SHOX: variants seen among roughly 807,000 people sequenced by gnomAD.
The protein encoded by SHOX is SHOX homeobox.
In SHOX, 12 loss-of-function variants were observed where a neutral mutation model predicts 29.6. That is an observed-to-expected ratio of 0.41 (90% CI 0.26 to 0.66). SHOX has a LOEUF of 0.66. Among genes scored for constraint, SHOX ranks in the 30% least tolerant of loss-of-function variants. The pLI is 0.35. For synonymous variants in SHOX, 214 were observed against 200.6 expected (o/e 1.07, Z -0.57); for missense variants, 499 against 437.7 (o/e 1.14, Z -1.25).
In SHOX at chrX:641,059, T is replaced by G. The variant is rs773671345; in HGVS notation, c.605T>G (p.Met202Arg). The G allele has an allele frequency of 6.2e-6, 10 of 1,613,710 alleles. No homozygotes were observed. In the East Asian group the frequency reaches 2.2e-4, roughly 36 times the overall value. ...DACRVAPYVNMGALRMPFQQV... is the reference protein window; with the variant it reads ...DACRVAPYVNRGALRMPFQQV... ...TGCCGAGTGGCACCCTACGTCAACA[T>G]GGGAGCCTTACGGATGCCTTTCCAA... is the stretch of plus-strand genomic sequence containing the variant. Residue 202 changes from methionine (M) to arginine (R), a missense_variant, in exon 4 of 5, where the codon ATG becomes AGG. By Grantham distance (91) the Met-to-Arg change is moderately conservative. Coordinates refer to ENST00000686671, the MANE Select transcript of SHOX (RefSeq NM_000451.4).
At position 650,792 on chromosome X, in the gene SHOX, T is replaced by TAAA. The variant is rs1041655715; in HGVS notation, c.*6181_*6183dup. Among the ~76,000 whole-genome samples the TAAA allele has an allele frequency of 5.0e-3, 252 of 50,814 alleles. 18 individuals carry two copies. Among genetic ancestry groups the TAAA allele is most frequent in the African/African-American group, 0.014 (204 of 14,750 alleles). 33.3% of individuals were successfully genotyped at this position (50,814 alleles called of 152,430 possible). ...GGCTTTCGGTGGACACGTTTGACAT[T>TAAA]AAAAAAAAAAAAAAAAAAAAAAAAA... On this transcript the variant is annotated 3_prime_UTR_variant, in exon 5 of 5. Coordinates refer to ENST00000686671, the MANE Select transcript of SHOX (RefSeq NM_000451.4).
intron 5 of SHOX, among the ~76,000 whole-genome samples, chrX:657,979 C>T (rs2053170097): frequency 6.6e-6 from 1 of 152,066 alleles, no homozygotes; most frequent in South Asian, 2.1e-4. Context: ...GTCTCTCTCT[C>T]TCTCTCTTTT....
At chrX:653,517 A>G (rs1285590429), downstream of SHOX, among the ~76,000 whole-genome samples, 1 of 151,740 alleles carries the variant, frequency 6.6e-6, no homozygotes, top group Non-Finnish European at 1.5e-5. Flanking sequence ...CCAGATCTTC[A>G]TTTTTTTTGC....
intron 1 of SHOX, among the ~76,000 whole-genome samples, chrX:634,203 A>G (rs2052698694): frequency 6.6e-6 from 1 of 152,128 alleles, no homozygotes; most frequent in African/African-American, 2.4e-5. Context: ...GTAGGCCTAG[A>G]ATCTGCAACC....
rs1213383552 is a variant in SHOX at position 641,095 on chromosome X, A to G, written c.633+8A>G. 6.2e-7 allele frequency: 1 copy of G among 1,612,838 alleles called. No homozygotes were observed. The highest frequency in any genetic ancestry group is 2.2e-5 in the East Asian group (1 of 44,868). The stretch of plus-strand genomic sequence containing the variant: ...CGGATGCCTTTCCAACAGGTAGCTC[A>G]CTTTTTCTTCCTCTGAAGATCCCTA... On this transcript the variant is annotated splice_region_variant and intron_variant, in intron 4 of 4. Transcript: ENST00000686671.
At position 634,731 on chromosome X, in the gene SHOX, G is replaced by C. The variant is rs1297741376; in HGVS notation, c.391G>C (p.Glu131Gln). The change falls in exon 2 of 5, where the codon GAG (glutamate) becomes CAG (glutamine). Residue 131 changes from glutamate to glutamine, a missense_variant. Glu to Gln is a conservative substitution (Grantham distance 29, BLOSUM62 2). Transcript: ENST00000686671. ...CAACTTCACGCTGGAGCAGCTGAACGAGCTCGAGCGACTCTTCGACGAGAC... is the reference window on the plus strand; with the variant it reads ...CAACTTCACGCTGGAGCAGCTGAACCAGCTCGAGCGACTCTTCGACGAGAC... ...RTNFTLEQLN[E>Q]LERLFDETHY... 6.2e-7 allele frequency: 1 copy of C among 1,613,132 alleles called. No individual in the cohort carries two copies. The highest frequency in any genetic ancestry group is 2.2e-5 in the East Asian group (1 of 44,854).
chrX:624,359 G>A (rs374378100), exon 1 of SHOX: 1,766 of 150,770 alleles, frequency 0.012, 44 homozygotes, highest in African/African-American at 0.04. Flanking sequence ...GCTTTTGCCC[G>A]GGTCCTGAGA....
Position 644,754 on chromosome X carries a change from C to T in SHOX, c.*118C>T. The stretch of plus-strand genomic sequence containing the variant: ...TTCCGCGGCCACCGTGCTCCGGGCA[C>T]CCCGGGAGCTCCTGCAAGAGGCCTG... On this transcript the variant is annotated 3_prime_UTR_variant, in exon 5 of 5. Coordinates refer to ENST00000686671, the MANE Select transcript of SHOX (RefSeq NM_000451.4). The T allele has an allele frequency of 7.7e-7, 1 of 1,291,712 alleles. No homozygotes were observed. Among genetic ancestry groups the T allele is most frequent in the Non-Finnish European group, 9.9e-7 (1 of 1,009,614 alleles). The allele number at this position is 1,291,712 out of a possible 1,614,324, so 80.0% of individuals were successfully genotyped here.
rs1288986314 is a variant in SHOX, at chrX:644,435, G to A, written c.678G>A (p.Pro226=). The change falls in exon 5 of 5, where the codon CCG becomes CCA. Residue 226 remains proline, a synonymous_variant. Coordinates refer to ENST00000686671, the MANE Select transcript of SHOX (RefSeq NM_000451.4). Reference sequence around the variant, plus strand: ...TGGAAGGCGTGGCCCACGCGCACCCGCACCTGCACCCGCACCTGGCGGCGC... The same window carrying A: ...TGGAAGGCGTGGCCCACGCGCACCCACACCTGCACCCGCACCTGGCGGCGC... ...LQLEGVAHAH[P]HLHPHLAAHA... 17 of 1,520,974 alleles carry A rather than the reference G, an allele frequency of 1.1e-5. No homozygotes were observed. Among genetic ancestry groups the A allele is most frequent in the Non-Finnish European group, 1.5e-5 (17 of 1,141,900 alleles). 94.2% of individuals were successfully genotyped at this position (1,520,974 alleles called of 1,614,324 possible).
Position 649,915 on chromosome X carries a change from C to G in SHOX, c.*5279C>G, listed in dbSNP as rs2053028772. ...GTTTCTGACATATCCACTTTTCTCTCTCTTTTCTCTCTCTCTGACTGCGAA... is the reference window on the plus strand; with the variant it reads ...GTTTCTGACATATCCACTTTTCTCTGTCTTTTCTCTCTCTCTGACTGCGAA... On this transcript the variant is annotated 3_prime_UTR_variant, in exon 5 of 5. Coordinates refer to ENST00000686671, the MANE Select transcript of SHOX (RefSeq NM_000451.4). 2 of 455,964 alleles carry G rather than the reference C, an allele frequency of 4.4e-6. No homozygotes were observed. The highest frequency in any genetic ancestry group is 1.5e-5 in the South Asian group (1 of 64,562). The allele number at this position is 455,964 out of a possible 1,614,324, so 28.2% of individuals were successfully genotyped here. A position where few individuals can be genotyped will look rare whatever the true frequency, so the allele number is the denominator to read the frequency against.
downstream of SHOX, among the ~76,000 whole-genome samples, chrX:655,568 G>GTCTCTCTCTCTCTC (rs1228178183): frequency 1.1e-5 from 1 of 87,856 alleles, no homozygotes; most frequent in African/African-American, 4.6e-5. Flanking sequence ...CTCTCTCTCT[G>GTCTCTCTCTCTCTC]TCTCTCTCTC....
At position 638,854 on chromosome X, in the gene SHOX, G is replaced by C. The variant is rs183828916; in HGVS notation, c.487-1967G>C. Among the ~76,000 whole-genome samples, 3 of 152,374 alleles carry C rather than the reference G, an allele frequency of 2.0e-5. No individual in the cohort carries two copies. In the East Asian group the frequency reaches 5.8e-4, roughly 29 times the overall value. On this transcript the variant is annotated intron_variant, in intron 2 of 4. Coordinates refer to ENST00000686671, the MANE Select transcript of SHOX (RefSeq NM_000451.4). ...TGACTGGTTCACTCACCGCCTTGGC[G>C]GAGGACGCCTGTTCTCTGGACGAAT...
chrX:632,997 C>T (rs28451299), intron 1 of SHOX, among the ~76,000 whole-genome samples: 41,046 of 151,890 alleles, frequency 0.27, 6,708 homozygotes, highest in Middle Eastern at 0.35. Context: ...CCAGACCTTT[C>T]GAAAGTGAGA....
In SHOX at chrX:649,444, T is replaced by G. The variant is rs1298813802; in HGVS notation, c.*4808T>G. On this transcript the variant is annotated 3_prime_UTR_variant, in exon 5 of 5. Coordinates refer to ENST00000686671, the MANE Select transcript of SHOX (RefSeq NM_000451.4). ...CCGGAAGGCCCTCCAGAGACACGTT[T>G]GCGTGAACATTCAGCATGGAAACAA... 6.6e-6 allele frequency among the ~76,000 whole-genome samples: 1 copy of G among 152,186 alleles called. No homozygotes were observed. Among genetic ancestry groups the G allele is most frequent in the Non-Finnish European group, 1.5e-5 (1 of 68,040 alleles).
Position 650,812 on chromosome X carries a change from A to AAAAAAAC in SHOX, c.*6182_*6183insCAAAAAA, listed in dbSNP as rs2053048801. On this transcript the variant is annotated 3_prime_UTR_variant, in exon 5 of 5. Transcript: ENST00000686671. The stretch of plus-strand genomic sequence containing the variant: ...GACATTAAAAAAAAAAAAAAAAAAA[A>AAAAAAAC]AAAAAAACTGGTGCCTAATTTATTA... Among the ~76,000 whole-genome samples the AAAAAAAC allele has an allele frequency of 1.4e-5, 2 of 139,342 alleles. No homozygotes were observed. The highest frequency in any genetic ancestry group is 5.0e-5 in the African/African-American group (2 of 40,284). The allele number at this position is 139,342 out of a possible 152,430, so 91.4% of individuals were successfully genotyped here. A position where few individuals can be genotyped will look rare whatever the true frequency, so the allele number is the denominator to read the frequency against.
At chrX:642,199 C>A (rs150206735) in intron 4 of SHOX, among the ~76,000 whole-genome samples, 4,453 of 152,150 alleles carry the variant, frequency 0.029, 231 homozygotes, top group African/African-American at 0.1. Context: ...CGCCCACGTG[C>A]GCCCTGCCTG....
In SHOX at chrX:650,791, T is replaced by C. The variant is rs866934271; in HGVS notation, c.*6155T>C. ...AGGCTTTCGGTGGACACGTTTGACATTAAAAAAAAAAAAAAAAAAAAAAAA... is the reference window on the plus strand; with the variant it reads ...AGGCTTTCGGTGGACACGTTTGACACTAAAAAAAAAAAAAAAAAAAAAAAA... On this transcript the variant is annotated 3_prime_UTR_variant, in exon 5 of 5. Coordinates refer to ENST00000686671, the MANE Select transcript of SHOX (RefSeq NM_000451.4). Among the ~76,000 whole-genome samples the C allele has an allele frequency of 3.3e-5, 1 of 29,878 alleles. No homozygotes were observed. The highest frequency in any genetic ancestry group is 7.2e-5 in the Non-Finnish European group (1 of 13,872). 19.6% of individuals were successfully genotyped at this position (29,878 alleles called of 152,430 possible).
chrX:642,366 A>G (rs767650891), intron 4 of SHOX, among the ~76,000 whole-genome samples: 21 of 150,354 alleles, frequency 1.4e-4, no homozygotes, highest in Admixed American at 9.9e-4. Flanking sequence ...CCAAGGGGAC[A>G]GGCTGGGGAT....
At chrX:632,017 C>G (rs1056252050) in intron 1 of SHOX, 13 of 455,758 alleles carry the variant, frequency 2.9e-5, no homozygotes, top group African/African-American at 2.6e-4. Flanking sequence ...CGGGTCAGCT[C>G]GGTTCTGTTT....
Sources: gnomAD v4.1 joint callset for allele counts (sites outside exome capture counted in the v4.1 genomes callset) on GRCh38, gnomAD v4.1.1 for gene constraint, MANE v1.5 for transcripts, NCBI Gene and HGNC (gene_info 2026-07-23, HGNC 2026-07-21) for gene names.